The following AACS variants were observed in gnomAD, a reference collection of about 807,000 sequenced individuals.
The protein encoded by AACS is acetoacetate-CoA ligase.
In AACS, 69 loss-of-function variants were observed where a neutral mutation model predicts 83.1. That is an observed-to-expected ratio of 0.83 (90% CI 0.68 to 1.01). The LOEUF (loss-of-function observed/expected upper bound fraction) is 1.01. Ranked by LOEUF, AACS falls within the 50% of genes least tolerant of loss-of-function variation. AACS has a pLI of 0.00. For synonymous variants in AACS, 333 were observed against 343.4 expected (o/e 0.97, Z 0.33); for missense variants, 866 against 882.2 (o/e 0.98, Z 0.23).
intron 8 of AACS, among the ~76,000 whole-genome samples, chr12:125,107,898 G>T (rs942959805): frequency 6.6e-6 from 1 of 152,178 alleles, no homozygotes; most frequent in African/African-American, 2.4e-5. Context: ...AGGGGGCGGA[G>T]GTTGCAGTGA....
chr12:125,142,444 G>A lies in AACS; in HGVS notation c.*215G>A, dbSNP rs1957515493. The A allele has an allele frequency of 1.9e-5, 12 of 627,168 alleles. No individual in the cohort carries two copies. Among genetic ancestry groups the A allele is most frequent in the Non-Finnish European group, 3.2e-5 (12 of 372,404 alleles). The allele number at this position is 627,168 out of a possible 1,614,324, so 38.9% of individuals were successfully genotyped here. ...ATTCTGGCCTTCAGAGACCAGGAGG[G>A]AGTGTCTGGGCCGCAGGTGTGGCAC... On this transcript the variant is annotated 3_prime_UTR_variant, in exon 18 of 18. Transcript: ENST00000316519.
chr12:125,101,444 T>C (rs1033264740), intron 5 of AACS: 9 of 152,224 alleles, frequency 5.9e-5, no homozygotes. Flanking sequence ...CGTGTAGGCT[T>C]ATGCCATTGG....
intron 7 of AACS, among the ~76,000 whole-genome samples, chr12:125,104,535 C>G (rs1956791439): frequency 6.6e-6 from 1 of 152,190 alleles, no homozygotes; most frequent in Non-Finnish European, 1.5e-5. Flanking sequence ...GGGTTGACAG[C>G]AGGGCCTGGG....
At chr12:125,110,582 C>T (rs1217169065) in intron 8 of AACS, among the ~76,000 whole-genome samples, 1 of 152,180 alleles carries the variant, frequency 6.6e-6, no homozygotes, top group East Asian at 1.9e-4. Flanking sequence ...CTCCCCATAG[C>T]TCATTTCCCC....
chr12:125,110,512 G>C (rs10846829), intron 8 of AACS, among the ~76,000 whole-genome samples: 54,257 of 152,018 alleles, frequency 0.36, 9,874 homozygotes, highest in East Asian at 0.45. Context: ...GGATGCTTGC[G>C]ACGCCGTGGC....
At chr12:125,066,669 G>A (rs1183401732) in intron 1 of AACS, among the ~76,000 whole-genome samples, 3 of 151,898 alleles carry the variant, frequency 2.0e-5, no homozygotes, top group Non-Finnish European at 4.4e-5. Flanking sequence ...GGCTGGTCTC[G>A]AACTCCTGAC....
rs751011092 is a variant in AACS, at chr12:125,124,983, A to G, written c.1268A>G (p.Tyr423Cys). Residue 423 changes from tyrosine to cysteine, a missense_variant, in exon 12 of 18, where the codon TAC becomes TGC. Coordinates refer to ENST00000316519, the MANE Select transcript of AACS (RefSeq NM_023928.5). ...AAAGCCCAGAGCTACGAGTATGTCT[A>G]CAGGTGCATCAAGAGCAGCATCCTC... ...PLKAQSYEYVYRCIKSSILLG... is the reference protein window; with the variant it reads ...PLKAQSYEYVCRCIKSSILLG... 5.6e-6 allele frequency: 9 copies of G among 1,614,076 alleles called. No individual in the cohort carries two copies. Among genetic ancestry groups the G allele is most frequent in the Non-Finnish European group, 7.6e-6 (9 of 1,180,048 alleles).
At chr12:125,100,130 C>T (rs1230542168) in intron 5 of AACS, among the ~76,000 whole-genome samples, 1 of 152,256 alleles carries the variant, frequency 6.6e-6, no homozygotes, top group Non-Finnish European at 1.5e-5. Context: ...ATCCTCCCCA[C>T]TCAGCCTCCC....
At chr12:125,099,767 C>T (rs960167998) in intron 5 of AACS, among the ~76,000 whole-genome samples, 2 of 152,186 alleles carry the variant, frequency 1.3e-5, no homozygotes, top group Admixed American at 1.3e-4. Context: ...CCTCTGCCTC[C>T]CGGGCTCAAG....
Position 125,107,221 on chromosome 12 carries a change from T to C in AACS, c.868T>C (p.Ser290Pro), listed in dbSNP as rs1324161856. Residue 290 changes from serine to proline, a missense_variant, in exon 8 of 18, where the codon TCA becomes CCA. Transcript: ENST00000316519. ...PFSHPLFIMF[S>P]SGTTGAPKCM... ...CAGCCACCCACTGTTCATCATGTTCTCATCGGGCACCACGGGCGCACCCAA... is the reference window on the plus strand; with the variant it reads ...CAGCCACCCACTGTTCATCATGTTCCCATCGGGCACCACGGGCGCACCCAA... The C allele has an allele frequency of 1.2e-6, 2 of 1,614,130 alleles. No homozygotes were observed.
chr12:125,136,865 G>T lies in AACS; in HGVS notation c.1881+1G>T. On this transcript the variant is annotated splice_donor_variant, in intron 17 of 17. Transcript: ENST00000316519. LOFTEE classifies it high-confidence loss of function. Reference sequence around the variant, plus strand: ...CATCCTGGAAACCAAGGGCATCCCGGTATGGCCATCTCCCGCCAGCGAGGA... The same window carrying T: ...CATCCTGGAAACCAAGGGCATCCCGTTATGGCCATCTCCCGCCAGCGAGGA... 3.7e-6 allele frequency: 6 copies of T among 1,612,682 alleles called. No individual in the cohort carries two copies. Among genetic ancestry groups the T allele is most frequent in the South Asian group, 1.1e-5 (1 of 91,070 alleles).
intron 2 of AACS, among the ~76,000 whole-genome samples, chr12:125,075,986 C>T (rs1374729909): frequency 6.6e-6 from 1 of 152,178 alleles, no homozygotes; most frequent in African/African-American, 2.4e-5. Context: ...GGAGTCCTGC[C>T]ATTCAAAGTC....
intron 5 of AACS, chr12:125,092,590 G>C (rs1956510501): frequency 6.6e-6 from 1 of 152,368 alleles, no homozygotes. Flanking sequence ...GCCCTGCTGG[G>C]TTCAGGGAGG....
At chr12:125,068,350 T>C (rs1292346742) in intron 1 of AACS, among the ~76,000 whole-genome samples, 1 of 152,126 alleles carries the variant, frequency 6.6e-6, no homozygotes, top group Non-Finnish European at 1.5e-5. Context: ...TCCCAGCTAC[T>C]CTGGAGACTA....
At chr12:125,074,085 T>C in intron 2 of AACS, 106 bp downstream of exon 2, 1 of 900,976 alleles carries the variant, frequency 1.1e-6, no homozygotes, top group Non-Finnish European at 1.7e-6. Flanking sequence ...TACAACCTCA[T>C]GCAGATGGGA....
chr12:125,134,068 C>G lies in AACS; in HGVS notation c.1615C>G (p.Arg539Gly), dbSNP rs371762205. 1.2e-6 allele frequency: 2 copies of G among 1,613,930 alleles called. No homozygotes were observed. The highest frequency in any genetic ancestry group is 2.2e-5 in the East Asian group (1 of 44,872). The change falls in exon 15 of 18, where the codon CGG (arginine) becomes GGG (glycine). Residue 539 changes from arginine to glycine, a missense_variant. Arg to Gly is a moderately radical substitution (Grantham distance 125). Coordinates refer to ENST00000316519, the MANE Select transcript of AACS (RefSeq NM_023928.5). ...GACCGGGGGCATCGTCATGCTTGGC[C>G]GGAGGTAAGGGCTGCAGAGTCGGCT... ...PKTGGIVMLG[R>G]SDGTLNPNGV... is the part of the protein sequence containing the mutation.
chr12:125,119,600 A>G (rs539868668), intron 10 of AACS, among the ~76,000 whole-genome samples: 1 of 152,308 alleles, frequency 6.6e-6, no homozygotes, highest in African/African-American at 2.4e-5. Context: ...CCTTTATAAA[A>G]CCATCAGATC....
At chr12:125,136,980 T>C (rs1415380098) in intron 17 of AACS, 116 bp downstream of exon 17, 8 of 1,090,084 alleles carry the variant, frequency 7.3e-6, no homozygotes, top group Non-Finnish European at 1.0e-5. Flanking sequence ...TTGTCCACGT[T>C]GCCTAGCAAC....
In AACS at chr12:125,125,065, C is replaced by T. The variant is rs371099481; in HGVS notation, c.1309+41C>T. On this transcript the variant is annotated intron_variant, in intron 12 of 17. Transcript: ENST00000316519. Reference sequence around the variant, plus strand: ...GGACAGTCCTTCCAGCCATCCCCGCCGGCCCCATAAGTATGCACACCTCTG... The same window carrying T: ...GGACAGTCCTTCCAGCCATCCCCGCTGGCCCCATAAGTATGCACACCTCTG... The T allele has an allele frequency of 2.0e-5, 33 of 1,612,760 alleles. 1 individual carries two copies. Among genetic ancestry groups the T allele is most frequent in the Admixed American group, 1.0e-4 (6 of 59,960 alleles).
Sources: allele counts gnomAD v4.1 joint callset (sites outside exome capture counted in the v4.1 genomes callset), GRCh38; gene constraint gnomAD v4.1.1; transcripts MANE v1.5; gene names NCBI Gene and HGNC (gene_info 2026-07-23, HGNC 2026-07-21).